Variants in ARHGAP10 observed in about 807,000 individuals in gnomAD.
The protein encoded by ARHGAP10 is rho GTPase-activating protein 10.
A neutral mutation model predicts 108.6 loss-of-function variants in ARHGAP10; 87 were observed. The observed-to-expected ratio is 0.80, with a 90% CI of 0.67 to 0.96. ARHGAP10 has a LOEUF of 0.96. ARHGAP10 is among the 40% of genes least tolerant of loss of function. ARHGAP10 has a pLI of 0.00. For synonymous variants in ARHGAP10, 347 were observed against 341.1 expected (o/e 1.02, Z -0.19); for missense variants, 939 against 954.5 (o/e 0.98, Z 0.21).
chr4:147,849,010 A>G (rs1004750033), intron 4 of ARHGAP10, among the ~76,000 whole-genome samples: 12 of 152,314 alleles, frequency 7.9e-5, no homozygotes, highest in Admixed American at 3.9e-4. Flanking sequence ...AGTTTATGTT[A>G]TGTGCAGTCT....
chr4:148,029,030 G>A (rs935796405), intron 19 of ARHGAP10, among the ~76,000 whole-genome samples: 11 of 152,096 alleles, frequency 7.2e-5, no homozygotes, highest in African/African-American at 2.2e-4. Context: ...TGTTCAATAC[G>A]TATTCTTATG....
At chr4:147,854,855 T>G (rs1272651380) in intron 4 of ARHGAP10, 1 of 985,224 alleles carries the variant, frequency 1.0e-6, no homozygotes, top group African/African-American at 1.7e-5. Flanking sequence ...GGGTGTGATG[T>G]TGTTATTGTT....
intron 10 of ARHGAP10, among the ~76,000 whole-genome samples, chr4:147,885,762 T>C (rs1196751515): frequency 1.3e-5 from 2 of 152,240 alleles, no homozygotes; most frequent in Admixed American, 6.5e-5. Context: ...CTCCTTTAAA[T>C]GTTGCCATTT....
At chr4:147,981,475 C>A (rs1739803501) in intron 18 of ARHGAP10, among the ~76,000 whole-genome samples, 1 of 152,148 alleles carries the variant, frequency 6.6e-6, no homozygotes, top group Admixed American at 6.5e-5. Flanking sequence ...CTTTATGATT[C>A]AGCATGTGTT....
At chr4:147,912,724 C>T (rs553319479) in intron 12 of ARHGAP10, among the ~76,000 whole-genome samples, 2 of 124,564 alleles carry the variant, frequency 1.6e-5, no homozygotes, top group South Asian at 5.9e-4. Flanking sequence ...TCATAACTCA[C>T]TGCAGCCTCT....
At chr4:147,886,365 T>C (rs926268536) in intron 10 of ARHGAP10, among the ~76,000 whole-genome samples, 1 of 152,194 alleles carries the variant, frequency 6.6e-6, no homozygotes, top group Non-Finnish European at 1.5e-5. Flanking sequence ...CCTCAGCCAT[T>C]CTCTCCGGTG....
Position 147,772,069 on chromosome 4 carries a change from C to T in ARHGAP10, c.154+39614C>T, listed in dbSNP as rs186615087. On this transcript the variant is annotated intron_variant, in intron 1 of 22. Transcript: ENST00000336498. ...CCTCCTAAAGTGCTGGGATTACAGG[C>T]GTGAGCAACCGCGCCAGGCCCTAAA... 3.4e-3 allele frequency among the ~76,000 whole-genome samples: 519 copies of T among 152,298 alleles called. 1 individual carries two copies. The highest frequency in any genetic ancestry group is 0.012 in the African/African-American group (490 of 41,580).
In ARHGAP10 at chr4:147,983,577, G is replaced by T. The variant is rs372136466; in HGVS notation, c.1716+16738G>T. 8.9e-5 allele frequency among the ~76,000 whole-genome samples: 13 copies of T among 146,262 alleles called. No homozygotes were observed. In the South Asian group the frequency reaches 2.6e-3, roughly 29 times the overall value. ...TTTGAGTTCTGAAATTCTTTCTTTT[G>T]CATGGTCTCATCTGCCGTTAAGACT... On this transcript the variant is annotated intron_variant, in intron 18 of 22. Coordinates refer to ENST00000336498, the MANE Select transcript of ARHGAP10 (RefSeq NM_024605.4).
intron 3 of ARHGAP10, among the ~76,000 whole-genome samples, chr4:147,834,196 A>T (rs574900886): frequency 1.3e-5 from 2 of 152,308 alleles, no homozygotes; most frequent in Admixed American, 1.3e-4. Context: ...TAGGCTGGGA[A>T]TGGTGGCTTA....
At chr4:147,896,476 T>A (rs77908951) in intron 10 of ARHGAP10, among the ~76,000 whole-genome samples, 1 of 152,202 alleles carries the variant, frequency 6.6e-6, no homozygotes, top group Non-Finnish European at 1.5e-5. Context: ...TTTATTGGCA[T>A]AAATGTCATA....
chr4:148,013,768 G>A (rs777361263), intron 18 of ARHGAP10, among the ~76,000 whole-genome samples: 7 of 152,140 alleles, frequency 4.6e-5, no homozygotes, highest in Admixed American at 6.5e-5. Context: ...TAGCATTCAC[G>A]TTGGAAATTT....
chr4:147,756,760 G>C (rs974567318), intron 1 of ARHGAP10, among the ~76,000 whole-genome samples: 2 of 152,146 alleles, frequency 1.3e-5, no homozygotes, highest in African/African-American at 4.8e-5. Context: ...CCTGGATAAG[G>C]GGGGACCACT....
At position 147,751,425 on chromosome 4, in the gene ARHGAP10, G is replaced by A. The variant is rs1358839235; in HGVS notation, c.154+18970G>A. 3.3e-5 allele frequency among the ~76,000 whole-genome samples: 5 copies of A among 151,092 alleles called. No individual in the cohort carries two copies. In the East Asian group the frequency reaches 5.9e-4, roughly 18 times the overall value. ...TCCACCCAGGCCAGGGTGCAGTGGC[G>A]TGATCTCGGCTCACTGCAACCTCCG... On this transcript the variant is annotated intron_variant, in intron 1 of 22. Transcript: ENST00000336498.
intron 1 of ARHGAP10, among the ~76,000 whole-genome samples, chr4:147,764,136 C>T (rs897980249): frequency 1.3e-5 from 2 of 152,042 alleles, no homozygotes; most frequent in African/African-American, 2.4e-5. Flanking sequence ...GAAGGTAGGA[C>T]GTGAGCAAGT....
intron 22 of ARHGAP10, among the ~76,000 whole-genome samples, chr4:148,067,100 C>T (rs1276322106): frequency 6.6e-6 from 1 of 152,220 alleles, no homozygotes; most frequent in Non-Finnish European, 1.5e-5. Flanking sequence ...TTGACACTCT[C>T]TCCCTACCCA....
intron 1 of ARHGAP10, among the ~76,000 whole-genome samples, chr4:147,768,393 G>A (rs1729917850): frequency 6.6e-6 from 1 of 152,024 alleles, no homozygotes; most frequent in Non-Finnish European, 1.5e-5. Flanking sequence ...TGGAAACATT[G>A]TAAACCTGTC....
At position 147,823,102 on chromosome 4, in the gene ARHGAP10, C is replaced by T. The variant is rs1355433949; in HGVS notation, c.312+145C>T. On this transcript the variant is annotated intron_variant, in intron 3 of 22. Coordinates refer to ENST00000336498, the MANE Select transcript of ARHGAP10 (RefSeq NM_024605.4). ...TAATGGAAAGATGAGGTTTCCGGAG[C>T]CCTGATTTCTAGTTCCTTGAGGGTG... 4.5e-6 allele frequency: 4 copies of T among 893,828 alleles called. No individual in the cohort carries two copies. In the Admixed American group the frequency reaches 8.4e-5, roughly 19 times the overall value. 55.4% of individuals were successfully genotyped at this position (893,828 alleles called of 1,614,324 possible). A position where few individuals can be genotyped will look rare whatever the true frequency, so the allele number is the denominator to read the frequency against.
At chr4:147,970,021 G>A (rs2149617291) in intron 18 of ARHGAP10, among the ~76,000 whole-genome samples, 1 of 152,240 alleles carries the variant, frequency 6.6e-6, no homozygotes, top group East Asian at 1.9e-4. Context: ...TGTCAGTTTG[G>A]ATTAGTTAAC....
rs183563855 is a variant in ARHGAP10, at chr4:147,965,985, A to G, written c.1557-695A>G. ...TATGCAAAGGCTTTTTGAAGATGGT[A>G]TCTTTGAATTGAGACCTGAATTAAG... On this transcript the variant is annotated intron_variant, in intron 17 of 22. Coordinates refer to ENST00000336498, the MANE Select transcript of ARHGAP10 (RefSeq NM_024605.4). 1.8e-3 allele frequency among the ~76,000 whole-genome samples: 268 copies of G among 152,346 alleles called. 1 individual carries two copies. The highest frequency in any genetic ancestry group is 6.1e-3 in the African/African-American group (252 of 41,584).
Sources: gnomAD v4.1 joint callset for allele counts (sites outside exome capture counted in the v4.1 genomes callset) on GRCh38, gnomAD v4.1.1 for gene constraint, MANE v1.5 for transcripts, NCBI Gene and HGNC (gene_info 2026-07-23, HGNC 2026-07-21) for gene names.